PDZD2: variants seen among roughly 807,000 people sequenced by gnomAD.
PDZD2 encodes the protein PDZ domain-containing protein 2.
Under a neutral mutation model 220.7 loss-of-function variants are expected in PDZD2, and 90 were observed. The ratio of observed to expected loss-of-function variants is 0.41; its 90% CI spans 0.34 to 0.49. PDZD2 has a LOEUF of 0.49. PDZD2 is among the 20% of genes least tolerant of loss of function. The pLI, the probability that PDZD2 is intolerant of heterozygous loss-of-function variation, is 0.28. For synonymous variants in PDZD2, 1,375 were observed against 1,450.5 expected (o/e 0.95, Z 1.18); for missense variants, 3,174 against 3,608.5 (o/e 0.88, Z 3.08).
Position 31,855,750 on chromosome 5 carries a change from C to T in PDZD2, c.476+56026C>T, listed in dbSNP as rs542529681. Reference sequence around the variant, plus strand: ...ACTAAACAGCCTGCTTGGACAACAGCCCCACCACTGATTCCCAAAATGTTT... The same window carrying T: ...ACTAAACAGCCTGCTTGGACAACAGTCCCACCACTGATTCCCAAAATGTTT... On this transcript the variant is annotated intron_variant, in intron 2 of 24. Coordinates refer to ENST00000438447, the MANE Select transcript of PDZD2 (RefSeq NM_178140.4). Among the ~76,000 whole-genome samples, 9 of 152,344 alleles carry T rather than the reference C, an allele frequency of 5.9e-5. No homozygotes were observed. The East Asian group carries it at 1.5e-3, about 26-fold the overall frequency.
intron 2 of PDZD2, among the ~76,000 whole-genome samples, chr5:31,965,382 T>C (rs28887502): frequency 0.047 from 7,165 of 152,238 alleles, 556 homozygotes; most frequent in African/African-American, 0.16. Flanking sequence ...ATTGGCCCTC[T>C]CACCCTAGCC....
intron 21 of PDZD2, among the ~76,000 whole-genome samples, chr5:32,095,410 T>C (rs1183774312): frequency 6.6e-6 from 1 of 152,246 alleles, no homozygotes; most frequent in Non-Finnish European, 1.5e-5. Flanking sequence ...CCAATGAGTA[T>C]GGTTTGCAGG....
At chr5:31,861,517 G>T (rs1249825801) in intron 2 of PDZD2, among the ~76,000 whole-genome samples, 1 of 152,176 alleles carries the variant, frequency 6.6e-6, no homozygotes, top group Non-Finnish European at 1.5e-5. Context: ...CAACTTCAAA[G>T]GAAGGAATAA....
In PDZD2 at chr5:31,775,330, G is replaced by T. The variant is rs372008112; in HGVS notation, c.-360-23559G>T. ...TTTATTAGGTGGCTGGAATAGAGAT[G>T]TAATTGAAAAAAAAAAAAAGATTAA... On this transcript the variant is annotated intron_variant, in intron 1 of 24. Transcript: ENST00000438447. Among the ~76,000 whole-genome samples the T allele has an allele frequency of 5.4e-5, 8 of 148,690 alleles. No homozygotes were observed. In the East Asian group the frequency reaches 9.7e-4, roughly 18 times the overall value.
chr5:31,863,099 G>A (rs62361593), intron 2 of PDZD2, among the ~76,000 whole-genome samples: 6,368 of 152,222 alleles, frequency 0.042, 155 homozygotes, highest in Non-Finnish European at 0.054. Flanking sequence ...GGTCAGGCTG[G>A]TCTCGAACTC....
At chr5:31,808,390 G>A (rs922198421) in intron 2 of PDZD2, among the ~76,000 whole-genome samples, 3 of 152,186 alleles carry the variant, frequency 2.0e-5, no homozygotes, top group African/African-American at 7.2e-5. Context: ...CCTGCCATGT[G>A]GAACAGCCCA....
intron 6 of PDZD2, among the ~76,000 whole-genome samples, chr5:32,017,321 C>A (rs1189618800): frequency 6.6e-6 from 1 of 152,018 alleles, no homozygotes; most frequent in East Asian, 1.9e-4. Flanking sequence ...CGCCTGTAAT[C>A]CCATCTATGA....
chr5:32,044,640 C>CT (rs1310688830), intron 7 of PDZD2, among the ~76,000 whole-genome samples: 1 of 152,212 alleles, frequency 6.6e-6, no homozygotes, highest in African/African-American at 2.4e-5. Flanking sequence ...CCAAGAGACT[C>CT]TGACAGTCGC....
At chr5:31,671,513 C>T (rs141327750) in intron 1 of PDZD2, among the ~76,000 whole-genome samples, 16 of 152,312 alleles carry the variant, frequency 1.1e-4, no homozygotes, top group African/African-American at 3.6e-4. Context: ...AGCGGCACAA[C>T]CTCTAAGCCA....
intron 1 of PDZD2, among the ~76,000 whole-genome samples, chr5:31,641,305 A>AAT (rs1744938193): frequency 6.6e-6 from 1 of 152,190 alleles, no homozygotes; most frequent in Non-Finnish European, 1.5e-5. Context: ...GTGAAGAGAT[A>AAT]ATTAAGTGAG....
intron 1 of PDZD2, among the ~76,000 whole-genome samples, chr5:31,727,205 C>T (rs1011753511): frequency 1.3e-5 from 2 of 152,162 alleles, no homozygotes; most frequent in African/African-American, 4.8e-5. Flanking sequence ...AACAAATATC[C>T]AAGCTATCTG....
At chr5:32,003,948 G>C (rs1391375583) in intron 5 of PDZD2, among the ~76,000 whole-genome samples, 1 of 152,162 alleles carries the variant, frequency 6.6e-6, no homozygotes, top group Non-Finnish European at 1.5e-5. Context: ...CTGACCTCAG[G>C]TGATCCACCC....
intron 1 of PDZD2, among the ~76,000 whole-genome samples, chr5:31,763,138 T>C (rs1678893): frequency 0.049 from 7,456 of 152,298 alleles, 420 homozygotes; most frequent in African/African-American, 0.14. Context: ...TGTCATTATC[T>C]GTGTTTTTGG....
intron 2 of PDZD2, among the ~76,000 whole-genome samples, chr5:31,958,067 A>T (rs1747880245): frequency 6.6e-6 from 1 of 152,170 alleles, no homozygotes; most frequent in African/African-American, 2.4e-5. Context: ...GGGCTTCCAT[A>T]TTATTCATGT....
At chr5:31,784,041 A>G (rs1385820536) in intron 1 of PDZD2, among the ~76,000 whole-genome samples, 3 of 152,266 alleles carry the variant, frequency 2.0e-5, no homozygotes, top group African/African-American at 7.2e-5. Flanking sequence ...GAAATGCAGG[A>G]GCTGTCTGGA....
intron 2 of PDZD2, among the ~76,000 whole-genome samples, chr5:31,815,990 A>G (rs1472266869): frequency 6.6e-6 from 1 of 152,106 alleles, no homozygotes; most frequent in Non-Finnish European, 1.5e-5. Flanking sequence ...AATAGAACTT[A>G]AACATGACTG....
intron 1 of PDZD2, among the ~76,000 whole-genome samples, chr5:31,752,164 G>C (rs1329417421): frequency 1.5e-5 from 2 of 137,568 alleles, no homozygotes; most frequent in South Asian, 4.9e-4. Context: ...CTTCAACCTC[G>C]ACCTCCTGGA....
At chr5:31,749,011 C>T (rs1750767518) in intron 1 of PDZD2, among the ~76,000 whole-genome samples, 1 of 152,106 alleles carries the variant, frequency 6.6e-6, no homozygotes, top group Admixed American at 6.5e-5. Context: ...TCTCCAGTCC[C>T]TTGTCAGCAC....
At chr5:31,743,516 A>C (rs1750396717) in intron 1 of PDZD2, among the ~76,000 whole-genome samples, 1 of 152,126 alleles carries the variant, frequency 6.6e-6, no homozygotes. Flanking sequence ...GAAGTCTGTC[A>C]TATTTTTATG....
Sources: gnomAD v4.1 joint callset for allele counts (sites outside exome capture counted in the v4.1 genomes callset) on GRCh38, gnomAD v4.1.1 for gene constraint, MANE v1.5 for transcripts, NCBI Gene and HGNC (gene_info 2026-07-23, HGNC 2026-07-21) for gene names.